Variants in UGT2A3 observed in about 807,000 individuals in gnomAD.
UGT2A3 encodes UDP glucuronosyltransferase family 2 member A3.
A neutral mutation model predicts 44.1 loss-of-function variants in UGT2A3; 55 were observed. The ratio of observed to expected loss-of-function variants is 1.25; its 90% confidence interval spans 1.00 to 1.56. The LOEUF is 1.56. UGT2A3 is among the 40% of genes most tolerant of loss of function. The probability of loss-of-function intolerance (pLI) is 0.00; values close to 1 mark genes in which losing one functional copy is unlikely to be tolerated. For synonymous variants in UGT2A3, 243 were observed against 215.1 expected (o/e 1.13, Z -1.13); for missense variants, 733 against 621.6 (o/e 1.18, Z -1.91).
At position 68,945,331 on chromosome 4, in the gene UGT2A3, C is replaced by G. The variant is rs758518839; in HGVS notation, c.839G>C (p.Cys280Ser). Residue 280 changes from cysteine (C) to serine (S), a missense_variant, in exon 2 of 6, where the codon TGT becomes TCT. Transcript: ENST00000251566. ...PNFEFVGGLH[C>S]KPAKALPKEM... ...CTTAGGCAAAGCTTTGGCAGGTTTACAGTGCAATCCTCCAACAAACTCAAA... is the reference window on the plus strand; with the variant it reads ...CTTAGGCAAAGCTTTGGCAGGTTTAGAGTGCAATCCTCCAACAAACTCAAA... 25 of 1,611,264 alleles carry G rather than the reference C, an allele frequency of 1.6e-5. No homozygotes were observed. The highest frequency in any genetic ancestry group is 1.6e-4 in the Middle Eastern group (1 of 6,062).
At position 68,929,889 on chromosome 4, in the gene UGT2A3, A is replaced by G. The variant is rs772848599; in HGVS notation, c.1508T>C (p.Ile503Thr). Residue 503 changes from isoleucine (I) to threonine (T), a missense_variant, in exon 6 of 6, where the codon ATA (isoleucine) becomes ACA (threonine). Ile to Thr is a moderately conservative substitution (Grantham distance 89, BLOSUM62 -1). Transcript: ENST00000251566. ...GFLLACVATAIFLFTKCFLFS... is the reference protein window; with the variant it reads ...GFLLACVATATFLFTKCFLFS... ...TAAAAAACATTTTGTGAACAAGAAT[A>G]TAGCAGTTGCCACACAGGCCAGCAG... 4.3e-6 allele frequency: 7 copies of G among 1,612,940 alleles called. No homozygotes were observed. The highest frequency in any genetic ancestry group is 2.2e-5 in the East Asian group (1 of 44,852).
intron 2 of UGT2A3, among the ~76,000 whole-genome samples, chr4:68,937,275 C>T (rs1469426036): frequency 6.6e-6 from 1 of 152,062 alleles, no homozygotes; most frequent in African/African-American, 2.4e-5. Context: ...CTTCTCAGGA[C>T]CACATCATAC....
Position 68,929,486 on chromosome 4 carries a change from C to T in UGT2A3, c.*327G>A. 1 of 191,302 alleles carries T rather than the reference C, an allele frequency of 5.2e-6. No homozygotes were observed. Among genetic ancestry groups the T allele is most frequent in the Non-Finnish European group, 1.1e-5 (1 of 93,552 alleles). The allele number at this position is 191,302 out of a possible 1,614,324, so 11.9% of individuals were successfully genotyped here. ...CTTTATATCCATGTGTTTGGGCGCA[C>T]ACCAGGAATAATCATATTGCATGTC... On this transcript the variant is annotated 3_prime_UTR_variant, in exon 6 of 6. Transcript: ENST00000251566.
chr4:68,945,555 C>T (rs1718355912), intron 1 of UGT2A3, 101 bp from the exon 2 acceptor site: 1 of 874,004 alleles, frequency 1.1e-6, no homozygotes, highest in South Asian at 2.5e-5. Flanking sequence ...AAGTTTAAGT[C>T]CTCTAGAACA....
chr4:68,934,662 C>A (rs1483040678), intron 2 of UGT2A3, among the ~76,000 whole-genome samples: 3 of 151,756 alleles, frequency 2.0e-5, no homozygotes, highest in African/African-American at 7.3e-5. Flanking sequence ...ACTTGAAGCC[C>A]AAAGATTGAG....
At position 68,951,140 on chromosome 4, in the gene UGT2A3, T is replaced by G. The variant is rs745489279; in HGVS notation, c.621A>C (p.Glu207Asp). Residue 207 changes from glutamate (E) to aspartate (D), a missense_variant, in exon 1 of 6, where the codon GAA (glutamate) becomes GAC (aspartate). Physicochemically the swap from Glu to Asp is conservative, Grantham distance 45. Transcript: ENST00000251566. ...CTGAAAGCATTGAATTTTTTACTCT[T>G]TCCAGAAAGGTCATTCTGTCTGTTA... ...TGLTDRMTFL[E>D]RVKNSMLSVL... 8 of 1,611,702 alleles carry G rather than the reference T, an allele frequency of 5.0e-6. No homozygotes were observed. The African/African-American group carries it at 6.7e-5, about 13-fold the overall frequency.
At chr4:68,942,822 G>A (rs1718249492) in intron 2 of UGT2A3, among the ~76,000 whole-genome samples, 1 of 151,458 alleles carries the variant, frequency 6.6e-6, no homozygotes, top group Non-Finnish European at 1.5e-5. Flanking sequence ...GGAAGAATAT[G>A]TTCTGTTATT....
intron 1 of UGT2A3, 121 bp downstream of exon 1, chr4:68,950,925 A>C: frequency 1.5e-6 from 1 of 655,672 alleles, no homozygotes; most frequent in Non-Finnish European, 2.4e-6. Flanking sequence ...TATGAAAAAC[A>C]GCTACAACAT....
intron 1 of UGT2A3, among the ~76,000 whole-genome samples, chr4:68,949,474 C>T (rs1046955064): frequency 3.3e-5 from 5 of 151,736 alleles, no homozygotes; most frequent in Admixed American, 3.3e-4. Context: ...AAACGTGTAA[C>T]CATCAAGGAA....
chr4:68,951,418 CA>C lies in UGT2A3; in HGVS notation c.342del (p.Phe114LeufsTer4), dbSNP rs763425928. On this transcript the variant is annotated frameshift_variant, in exon 1 of 6. Transcript: ENST00000251566. LOFTEE classifies it high-confidence loss of function. Reference sequence around the variant, plus strand: ...ATTTTTAAAGTTCCTCTTATTTCAACAAAAAAATCATTTAATTTTATAACTG... The same window carrying C: ...ATTTTTAAAGTTCCTCTTATTTCAACAAAAAATCATTTAATTTTATAACTG... Reference protein sequence around the residue: ...WQSVIKLNDFFVEIRGTLKMM... With the variant: ...WQSVIKLNDFXVEIRGTLKMM... 3.1e-6 allele frequency: 5 copies of C among 1,610,796 alleles called. No individual in the cohort carries two copies. The highest frequency in any genetic ancestry group is 1.7e-5 in the Admixed American group (1 of 59,306).
At chr4:68,940,655 C>T (rs1272897814) in intron 2 of UGT2A3, among the ~76,000 whole-genome samples, 3 of 150,922 alleles carry the variant, frequency 2.0e-5, no homozygotes, top group East Asian at 2.0e-4. Flanking sequence ...TGTAACTGAC[C>T]TGCACATCCT....
intron 1 of UGT2A3, among the ~76,000 whole-genome samples, chr4:68,946,819 A>G (rs1353979049): frequency 6.6e-6 from 1 of 151,736 alleles, no homozygotes; most frequent in Admixed American, 6.6e-5. Flanking sequence ...AAAGTGATTC[A>G]CACAAATTTG....
Position 68,945,352 on chromosome 4 carries a change from T to A in UGT2A3, c.818A>T (p.Glu273Val), listed in dbSNP as rs746203809. The stretch of plus-strand genomic sequence containing the variant: ...TTTACAGTGCAATCCTCCAACAAAC[T>A]CAAAGTTAGGTTGGTATGGTTGAGG... ...EFPQPYQPNFEFVGGLHCKPA... is the reference protein window; with the variant it reads ...EFPQPYQPNFVFVGGLHCKPA... The change falls in exon 2 of 6, where the codon GAG becomes GTG. Residue 273 changes from glutamate to valine, a missense_variant. By Grantham distance (121) the Glu-to-Val change is moderately radical. Transcript: ENST00000251566. 15 of 1,611,526 alleles carry A rather than the reference T, an allele frequency of 9.3e-6. No homozygotes were observed. Among genetic ancestry groups the A allele is most frequent in the Non-Finnish European group, 1.3e-5 (15 of 1,178,530 alleles).
intron 1 of UGT2A3, among the ~76,000 whole-genome samples, chr4:68,950,124 A>G (rs1017801677): frequency 6.6e-6 from 1 of 151,938 alleles, no homozygotes; most frequent in Non-Finnish European, 1.5e-5. Flanking sequence ...CTTGAGGCCA[A>G]GAGATTTGTA....
Position 68,945,329 on chromosome 4 carries a change from T to C in UGT2A3, c.841A>G (p.Lys281Glu). 2 of 1,611,392 alleles carry C rather than the reference T, an allele frequency of 1.2e-6. No individual in the cohort carries two copies. Among genetic ancestry groups the C allele is most frequent in the Non-Finnish European group, 1.7e-6 (2 of 1,178,414 alleles). The stretch of plus-strand genomic sequence containing the variant: ...ACCTTAGGCAAAGCTTTGGCAGGTT[T>C]ACAGTGCAATCCTCCAACAAACTCA... ...NFEFVGGLHC[K>E]PAKALPKEME... The change falls in exon 2 of 6, where the codon AAA (lysine) becomes GAA (glutamate). Residue 281 changes from lysine (K) to glutamate (E), a missense_variant. By Grantham distance (56) the Lys-to-Glu change is moderately conservative (BLOSUM62 1). Transcript: ENST00000251566.
chr4:68,947,605 C>T (rs1448336589), intron 1 of UGT2A3, among the ~76,000 whole-genome samples: 1 of 151,692 alleles, frequency 6.6e-6, no homozygotes, highest in East Asian at 2.0e-4. Flanking sequence ...AATGAAAAAT[C>T]CTTTTGAAAA....
At chr4:68,950,051 T>A (rs1053021666) in intron 1 of UGT2A3, among the ~76,000 whole-genome samples, 1 of 151,886 alleles carries the variant, frequency 6.6e-6, no homozygotes, top group Non-Finnish European at 1.5e-5. Context: ...AATCCTATTT[T>A]ACCAAAATTT....
chr4:68,944,169 C>T (rs117345891), intron 2 of UGT2A3, among the ~76,000 whole-genome samples: 2 of 151,868 alleles, frequency 1.3e-5, no homozygotes, highest in East Asian at 3.9e-4. Context: ...TAACATCTGG[C>T]CTTGTCAGGG....
chr4:68,931,428 T>C (rs950049909), intron 3 of UGT2A3, among the ~76,000 whole-genome samples, 186 bp from the exon 4 acceptor site: 4 of 152,062 alleles, frequency 2.6e-5, no homozygotes, highest in African/African-American at 9.7e-5. Context: ...TTTAAAATAA[T>C]GTGTACCAGT....
Sources: gnomAD v4.1 joint callset for allele counts (sites outside exome capture counted in the v4.1 genomes callset) on GRCh38, gnomAD v4.1.1 for gene constraint, MANE v1.5 for transcripts, NCBI Gene and HGNC (gene_info 2026-07-23, HGNC 2026-07-21) for gene names.